B4GALT4: variants seen among roughly 807,000 people sequenced by gnomAD.
The protein encoded by B4GALT4 is N-acetyllactosamine synthase.
B4GALT4 carries 27 observed loss-of-function variants against 37.3 expected under a neutral mutation model. The ratio of observed to expected loss-of-function variants is 0.72; its 90% CI spans 0.53 to 1.00. B4GALT4 has a LOEUF of 1.00. Among genes scored for constraint, B4GALT4 ranks in the 50% least tolerant of loss-of-function variants. The pLI is 0.00. For synonymous variants in B4GALT4, 148 were observed against 154.1 expected, an observed-to-expected ratio of 0.96 and a Z score of 0.29; for missense variants, 372 against 413.1, an observed-to-expected ratio of 0.90 and a Z score of 0.86.
chr3:119,214,874 C>T (rs1576885049), intron 7 of B4GALT4: 1 of 152,308 alleles, frequency 6.6e-6, no homozygotes, highest in Middle Eastern at 3.4e-3. Context: ...GATGAGGAAT[C>T]TCACAATGCA....
chr3:119,231,060 G>T (rs2107526240), intron 2 of B4GALT4, among the ~76,000 whole-genome samples: 1 of 152,274 alleles, frequency 6.6e-6, no homozygotes, highest in Middle Eastern at 3.4e-3. Context: ...TTATTAATAT[G>T]TAAAGTGTTA....
chr3:119,224,120 G>A lies in B4GALT4; in HGVS notation c.612C>T (p.Asn204=), dbSNP rs1162698952. 4 of 1,613,930 alleles carry A rather than the reference G, an allele frequency of 2.5e-6. No individual in the cohort carries two copies. The highest frequency in any genetic ancestry group is 3.4e-6 in the Non-Finnish European group (4 of 1,180,012). ...TGGGATGCTCCTCACACTTGTAAAGGTTAAAGTCATTCTCGGGTACCAGGT... is the reference window on the plus strand; with the variant it reads ...TGGGATGCTCCTCACACTTGTAAAGATTAAAGTCATTCTCGGGTACCAGGT... The part of the protein sequence containing the change: ...DVDLVPENDF[N]LYKCEEHPKH... Residue 204 remains asparagine, a synonymous_variant, in exon 5 of 8, where the codon AAC becomes AAT. Transcript: ENST00000393765.
chr3:119,237,866 T>TTA (rs2079029327), intron 1 of B4GALT4, among the ~76,000 whole-genome samples: 1 of 152,202 alleles, frequency 6.6e-6, no homozygotes, highest in African/African-American at 2.4e-5. Flanking sequence ...ATTTAATTAA[T>TTA]TATAATACAT....
At chr3:119,238,083 A>G (rs774488274) in intron 1 of B4GALT4, among the ~76,000 whole-genome samples, 2 of 152,082 alleles carry the variant, frequency 1.3e-5, no homozygotes, top group Non-Finnish European at 1.5e-5. Flanking sequence ...TTTGGCCAAC[A>G]TGTTGAAACC....
chr3:119,225,178 T>G (rs1013251863), intron 4 of B4GALT4, among the ~76,000 whole-genome samples: 1 of 152,242 alleles, frequency 6.6e-6, no homozygotes, highest in Non-Finnish European at 1.5e-5. Context: ...TGGAGGTAGA[T>G]TCGTCACTGG....
At chr3:119,220,594 C>T (rs2078419347) in intron 5 of B4GALT4, among the ~76,000 whole-genome samples, 1 of 152,148 alleles carries the variant, frequency 6.6e-6, no homozygotes, top group African/African-American at 2.4e-5. Flanking sequence ...GTGACCACAA[C>T]TCTGTGAGGC....
At chr3:119,234,458 A>T (rs1040047568) in intron 2 of B4GALT4, among the ~76,000 whole-genome samples, 1 of 152,172 alleles carries the variant, frequency 6.6e-6, no homozygotes, top group African/African-American at 2.4e-5. Flanking sequence ...TACCAATGTG[A>T]TTCATGTTCA....
intron 5 of B4GALT4, among the ~76,000 whole-genome samples, chr3:119,222,238 T>TA (rs2078471034): frequency 6.6e-6 from 1 of 152,146 alleles, no homozygotes; most frequent in Non-Finnish European, 1.5e-5. Flanking sequence ...TACTACAGAG[T>TA]AAGTGAACAG....
chr3:119,230,203 G>A lies in B4GALT4; in HGVS notation c.-104C>T. 1 of 1,421,044 alleles carries A rather than the reference G, an allele frequency of 7.0e-7. No homozygotes were observed. Among genetic ancestry groups the A allele is most frequent in the Admixed American group, 2.0e-5 (1 of 49,524 alleles). 88.0% of individuals were successfully genotyped at this position (1,421,044 alleles called of 1,614,324 possible). On this transcript the variant is annotated 5_prime_UTR_variant, in exon 3 of 8. Coordinates refer to ENST00000393765, the MANE Select transcript of B4GALT4 (RefSeq NM_003778.4). ...GATTGCGAACTTGATGACAACTGAA[G>A]ATACAATGCCTGGTTTTTCTCAGTA...
intron 1 of B4GALT4, among the ~76,000 whole-genome samples, chr3:119,238,577 T>C (rs2079054234): frequency 6.6e-6 from 1 of 152,188 alleles, no homozygotes; most frequent in Non-Finnish European, 1.5e-5. Context: ...AGAGATGACA[T>C]TCATATCTTT....
chr3:119,238,282 A>G (rs1164933284), intron 1 of B4GALT4, among the ~76,000 whole-genome samples: 1 of 151,208 alleles, frequency 6.6e-6, no homozygotes, highest in African/African-American at 2.4e-5. Context: ...AAAAAAAAAA[A>G]AGTATATAAA....
At chr3:119,239,216 C>T (rs1331619247) in intron 1 of B4GALT4, among the ~76,000 whole-genome samples, 1 of 150,908 alleles carries the variant, frequency 6.6e-6, no homozygotes, top group Non-Finnish European at 1.5e-5. Context: ...GTCCCAGCTA[C>T]TCGGGAGGCT....
Position 119,226,939 on chromosome 3 carries a change from T to G in B4GALT4, c.356A>C (p.Lys119Thr). ...GAGGATGGCGACCCTCTGTAAAGCT[T>G]TACATTCCTGAGGGCGATACCGGCC... is the stretch of plus-strand genomic sequence containing the variant. ...SRGRYRPQECKALQRVAILVP... is the reference protein window; with the variant it reads ...SRGRYRPQECTALQRVAILVP... Residue 119 changes from lysine (K) to threonine (T), a missense_variant, in exon 4 of 8, where the codon AAA becomes ACA. Transcript: ENST00000393765. 6.2e-7 allele frequency: 1 copy of G among 1,614,132 alleles called. No individual in the cohort carries two copies. The highest frequency in any genetic ancestry group is 8.5e-7 in the Non-Finnish European group (1 of 1,180,034).
intron 5 of B4GALT4, among the ~76,000 whole-genome samples, chr3:119,220,638 G>C (rs899729376): frequency 6.6e-6 from 1 of 152,146 alleles, no homozygotes; most frequent in Non-Finnish European, 1.5e-5. Flanking sequence ...CAGGCTGCCC[G>C]ACGACCACCT....
intron 1 of B4GALT4, among the ~76,000 whole-genome samples, chr3:119,239,859 C>T (rs1013855043): frequency 1.3e-5 from 2 of 152,120 alleles, no homozygotes; most frequent in African/African-American, 4.8e-5. Flanking sequence ...GACCTTCCAG[C>T]ACTCCCCGCC....
chr3:119,229,497 A>G (rs914508020), intron 3 of B4GALT4, among the ~76,000 whole-genome samples: 3 of 152,252 alleles, frequency 2.0e-5, no homozygotes, highest in Non-Finnish European at 2.9e-5. Flanking sequence ...TCCGATTTGT[A>G]AAGTTCCAAA....
chr3:119,224,618 C>G (rs1480010608), intron 4 of B4GALT4, among the ~76,000 whole-genome samples: 1 of 152,118 alleles, frequency 6.6e-6, no homozygotes, highest in African/African-American at 2.4e-5. Context: ...TGTAAATATT[C>G]TTAACATTAC....
At chr3:119,236,215 G>A (rs548798953) in intron 2 of B4GALT4, 23 of 151,856 alleles carry the variant, frequency 1.5e-4, no homozygotes, top group African/African-American at 2.2e-4. Context: ...CATGAAAGAC[G>A]AGGAAAAACT....
At chr3:119,227,141 C>T (rs1258449407) in intron 3 of B4GALT4, 100 bp from the exon 4 acceptor site, 2 of 954,246 alleles carry the variant, frequency 2.1e-6, no homozygotes, top group African/African-American at 3.3e-5. Flanking sequence ...GCCCAGCTCA[C>T]AGTGAGTACT....
Sources: allele counts gnomAD v4.1 joint callset (sites outside exome capture counted in the v4.1 genomes callset), GRCh38; gene constraint gnomAD v4.1.1; transcripts MANE v1.5; gene names NCBI Gene and HGNC (gene_info 2026-07-23, HGNC 2026-07-21).